Variants in PLCL2 observed in about 807,000 individuals in gnomAD.
PLCL2 encodes inactive phospholipase C-like protein 2.
Under a neutral mutation model 79.6 loss-of-function variants are expected in PLCL2, and 4 were observed. That is an observed-to-expected ratio of 0.05 (90% CI 0.02 to 0.11). The LOEUF is 0.11. Among genes scored for constraint, PLCL2 ranks in the 10% least tolerant of loss-of-function variants. The probability of loss-of-function intolerance (pLI) is 1.00; values close to 1 mark genes in which losing one functional copy is unlikely to be tolerated. For synonymous variants in PLCL2, 484 were observed against 457.7 expected (o/e 1.06, Z -0.73); for missense variants, 895 against 1,291.0 (o/e 0.69, Z 4.70).
chr3:17,046,641 G>C (rs2064783406), intron 4 of PLCL2, among the ~76,000 whole-genome samples: 1 of 152,174 alleles, frequency 6.6e-6, no homozygotes, highest in African/African-American at 2.4e-5. Context: ...TGACAGTAGA[G>C]GGTTTTTCTT....
At chr3:16,904,032 C>G (rs1221541886) in intron 1 of PLCL2, among the ~76,000 whole-genome samples, 1 of 152,120 alleles carries the variant, frequency 6.6e-6, no homozygotes, top group African/African-American at 2.4e-5. Flanking sequence ...CAATGGATAT[C>G]TTTGAACTCT....
chr3:16,893,995 T>G (rs1311704378), intron 1 of PLCL2, among the ~76,000 whole-genome samples: 4 of 152,182 alleles, frequency 2.6e-5, no homozygotes, highest in Non-Finnish European at 4.4e-5. Context: ...CTATGAGCAT[T>G]GCTGATGAAG....
chr3:16,985,255 T>G (rs1263112592), intron 1 of PLCL2, among the ~76,000 whole-genome samples: 1 of 152,140 alleles, frequency 6.6e-6, no homozygotes, highest in Non-Finnish European at 1.5e-5. Context: ...TACCTCTATA[T>G]TAGCTTCTAA....
intron 5 of PLCL2, chr3:17,081,037 C>T (rs911947318): frequency 1.6e-5 from 6 of 382,204 alleles, no homozygotes; most frequent in African/African-American, 6.3e-5. Flanking sequence ...ATTTGCTGTT[C>T]AGACTCTACC....
intron 1 of PLCL2, among the ~76,000 whole-genome samples, chr3:16,986,844 A>G (rs1002333857): frequency 6.6e-6 from 1 of 152,140 alleles, no homozygotes; most frequent in East Asian, 1.9e-4. Context: ...CAAGCTGACG[A>G]TAGCCCGTCA....
At chr3:17,081,227 A>G in intron 5 of PLCL2, 1 of 456,628 alleles carries the variant, frequency 2.2e-6, no homozygotes, top group Non-Finnish European at 4.4e-6. Flanking sequence ...TGTGCCTCAG[A>G]CTCCCATAAT....
intron 1 of PLCL2, among the ~76,000 whole-genome samples, chr3:16,897,767 A>G (rs1401407569): frequency 6.6e-6 from 1 of 152,220 alleles, no homozygotes; most frequent in African/African-American, 2.4e-5. Context: ...TCTGAATGCT[A>G]GAGCATTTTC....
Position 17,010,192 on chromosome 3 carries a change from T to G in PLCL2, c.846T>G (p.Asp282Glu). The G allele has an allele frequency of 6.2e-7, 1 of 1,614,078 alleles. No homozygotes were observed. The highest frequency in any genetic ancestry group is 8.5e-7 in the Non-Finnish European group (1 of 1,179,938). Residue 282 changes from aspartate to glutamate, a missense_variant, in exon 2 of 6, where the codon GAT (aspartate) becomes GAG (glutamate). This residue lies in a region of PLCL2 where 93 missense variants were observed against 93.2 expected (regional missense o/e 1.00). Transcript: ENST00000615277. This position sits in a 1 kb window ranked among gnomAD's most constrained non-coding sequence, Gnocchi z 5.8. ...AAATGTTTAGTGAAATTGATGTAGATAACCTTGGACATATAACTCTGTGTA... is the reference window on the plus strand; with the variant it reads ...AAATGTTTAGTGAAATTGATGTAGAGAACCTTGGACATATAACTCTGTGTA... ...VSQMFSEIDV[D>E]NLGHITLCNA...
chr3:17,048,198 C>T (rs1488464142), intron 4 of PLCL2, among the ~76,000 whole-genome samples: 1 of 151,636 alleles, frequency 6.6e-6, no homozygotes, highest in Non-Finnish European at 1.5e-5. Context: ...TCTTGCCCAA[C>T]ATAGTAAAGA....
intron 1 of PLCL2, among the ~76,000 whole-genome samples, chr3:16,949,548 A>T (rs940868333): frequency 3.0e-4 from 46 of 152,110 alleles, no homozygotes; most frequent in Non-Finnish European, 6.3e-4. Flanking sequence ...GGAATTGTAA[A>T]TGTTTCTTCC....
intron 1 of PLCL2, among the ~76,000 whole-genome samples, chr3:16,949,089 G>T (rs1215677402): frequency 6.6e-6 from 1 of 152,136 alleles, no homozygotes; most frequent in Non-Finnish European, 1.5e-5. Context: ...CCTATTGATG[G>T]TCATTTAGAT....
chr3:16,997,563 C>G (rs2064166684), intron 1 of PLCL2, among the ~76,000 whole-genome samples: 1 of 145,950 alleles, frequency 6.9e-6, no homozygotes, highest in African/African-American at 2.5e-5. Context: ...TGGAGTCTCA[C>G]TCTGTTGTCC....
intron 3 of PLCL2, among the ~76,000 whole-genome samples, chr3:17,032,197 T>C (rs1190133359): frequency 6.6e-6 from 1 of 152,254 alleles, no homozygotes; most frequent in South Asian, 2.1e-4. Context: ...TTGGTACAAC[T>C]GGAACCCCTC....
intron 1 of PLCL2, among the ~76,000 whole-genome samples, chr3:16,970,619 TC>T (rs1328864578): frequency 6.7e-6 from 1 of 149,068 alleles, no homozygotes; most frequent in Non-Finnish European, 1.5e-5. Context: ...TAGTTCTAGA[TC>T]CCTGAGGAAT....
intron 1 of PLCL2, among the ~76,000 whole-genome samples, chr3:16,895,642 T>C (rs1298514870): frequency 6.6e-6 from 1 of 152,186 alleles, no homozygotes; most frequent in Non-Finnish European, 1.5e-5. Context: ...ATATGTATAT[T>C]GAAAGACATT....
At chr3:17,063,174 T>C (rs1487812919) in intron 4 of PLCL2, among the ~76,000 whole-genome samples, 2 of 143,228 alleles carry the variant, frequency 1.4e-5, no homozygotes, top group Non-Finnish European at 3.0e-5. Context: ...TGTAGGTTTT[T>C]CTTACCTATA....
intron 1 of PLCL2, among the ~76,000 whole-genome samples, chr3:16,961,350 C>T (rs2124969326): frequency 6.6e-6 from 1 of 152,266 alleles, no homozygotes; most frequent in East Asian, 1.9e-4. Flanking sequence ...TGTGTCAGGC[C>T]ATGCTAGGCA....
chr3:16,906,371 A>T (rs1405923889), intron 1 of PLCL2, among the ~76,000 whole-genome samples: 1 of 152,176 alleles, frequency 6.6e-6, no homozygotes, highest in Non-Finnish European at 1.5e-5. Context: ...ATTTTTGAAT[A>T]AAGTTGAGAG....
At chr3:16,922,301 G>A (rs1191133448) in intron 1 of PLCL2, among the ~76,000 whole-genome samples, 1 of 152,130 alleles carries the variant, frequency 6.6e-6, no homozygotes, top group African/African-American at 2.4e-5. Context: ...ATTTTATAAA[G>A]GTCTAAAATT....
Sources: allele counts gnomAD v4.1 joint callset (sites outside exome capture counted in the v4.1 genomes callset), GRCh38; gene constraint gnomAD v4.1.1; regional missense constraint gnomAD v4.1.1; non-coding constraint Gnocchi (gnomAD v3.1); transcripts MANE v1.5; gene names NCBI Gene and HGNC (gene_info 2026-07-23, HGNC 2026-07-21).